MKLN1: variants seen among roughly 807,000 people sequenced by gnomAD.
The protein encoded by MKLN1 is muskelin.
MKLN1 carries 18 observed loss-of-function variants against 99.0 expected under a neutral mutation model. That is an observed-to-expected ratio of 0.18 (90% CI 0.13 to 0.27). MKLN1 has a LOEUF of 0.27. MKLN1 is among the 10% of genes least tolerant of loss of function. MKLN1 has a pLI of 1.00. For missense variants in MKLN1, 621 were observed against 875.9 expected (o/e 0.71, Z 3.67); for synonymous variants, 288 against 293.2 (o/e 0.98, Z 0.18).
chr7:131,339,642 C>T (rs532331154), intron 1 of MKLN1, among the ~76,000 whole-genome samples: 7 of 151,156 alleles, frequency 4.6e-5, no homozygotes, highest in Admixed American at 6.6e-5. Context: ...GAGGTTGCAG[C>T]GAGCTGAGAT....
rs181953856 is a variant in MKLN1, at chr7:131,442,709, C to T, written c.1174-772C>T. ...TTATTCTTTATGTAAATGCCACTTA[C>T]GTTCAACAGCTAATTCCCAACTTGG... On this transcript the variant is annotated intron_variant, in intron 10 of 17. Coordinates refer to ENST00000352689, the MANE Select transcript of MKLN1 (RefSeq NM_013255.5). Among the ~76,000 whole-genome samples, 117 of 152,306 alleles carry T rather than the reference C, an allele frequency of 7.7e-4. 1 individual carries two copies. The highest frequency in any genetic ancestry group is 4.8e-3 in the South Asian group (23 of 4,828).
chr7:131,275,555 ATATATATATATATTTTTTTTT>A (rs1403977029), intron 3 of MKLN1, among the ~76,000 whole-genome samples: 6 of 16,790 alleles, frequency 3.6e-4, no homozygotes, highest in African/African-American at 1.3e-3. Flanking sequence ...ATATATATAT[ATATATATATATATTTTTTTTT>A]TTTTTTTTTT....
At chr7:131,237,481 T>C (rs928088666) in intron 3 of MKLN1, among the ~76,000 whole-genome samples, 1 of 152,286 alleles carries the variant, frequency 6.6e-6, no homozygotes, top group African/African-American at 2.4e-5. Flanking sequence ...GGATGTACGT[T>C]AGAGCCAGAG....
chr7:131,377,967 A>C (rs1329811766), intron 2 of MKLN1, among the ~76,000 whole-genome samples: 2 of 152,256 alleles, frequency 1.3e-5, no homozygotes, highest in Non-Finnish European at 2.9e-5. Context: ...TTACTCAAAT[A>C]TAACTGGGGT....
intron 1 of MKLN1, 30 bp downstream of exon 1, chr7:131,328,027 C>G: frequency 1.9e-6 from 3 of 1,611,134 alleles, no homozygotes; most frequent in Non-Finnish European, 2.5e-6. Flanking sequence ...CTCGTGCTGC[C>G]CCACCCTTCC....
intron 10 of MKLN1, among the ~76,000 whole-genome samples, 169 bp from the exon 11 acceptor site, chr7:131,443,312 G>C (rs901345065): frequency 6.6e-6 from 1 of 152,140 alleles, no homozygotes; most frequent in African/African-American, 2.4e-5. Context: ...ATGACAACTT[G>C]AAAAATTATT....
intron 1 of MKLN1, among the ~76,000 whole-genome samples, chr7:131,370,426 G>A (rs778673923): frequency 1.6e-4 from 23 of 140,638 alleles, no homozygotes; most frequent in Non-Finnish European, 2.5e-4. Flanking sequence ...CTTTTAAAAA[G>A]TGTTTTAAAA....
chr7:131,428,445 A>G (rs1278075261), intron 8 of MKLN1, among the ~76,000 whole-genome samples: 1 of 152,168 alleles, frequency 6.6e-6, no homozygotes, highest in Non-Finnish European at 1.5e-5. Context: ...TTTTCTTAAG[A>G]TATCTAATTT....
At chr7:131,381,113 CATA>C (rs1484570224) in intron 2 of MKLN1, among the ~76,000 whole-genome samples, 2 of 152,170 alleles carry the variant, frequency 1.3e-5, no homozygotes, top group East Asian at 3.8e-4. Context: ...TAACTCATAT[CATA>C]ATGAGTTTAT....
chr7:131,184,492 G>C (rs1329197207), intron 2 of MKLN1, among the ~76,000 whole-genome samples: 1 of 151,840 alleles, frequency 6.6e-6, no homozygotes, highest in Non-Finnish European at 1.5e-5. Flanking sequence ...GGCCCCATGG[G>C]GACTTCCAAA....
intron 2 of MKLN1, among the ~76,000 whole-genome samples, chr7:131,198,345 C>T (rs1796679153): frequency 6.6e-6 from 1 of 152,186 alleles, no homozygotes; most frequent in South Asian, 2.1e-4. Flanking sequence ...GTCGTCAGGA[C>T]CTCCTGAGGC....
At chr7:131,420,045 T>C (rs994039656) in intron 8 of MKLN1, among the ~76,000 whole-genome samples, 3 of 152,190 alleles carry the variant, frequency 2.0e-5, no homozygotes, top group Non-Finnish European at 4.4e-5. Flanking sequence ...TGTTGAAAAT[T>C]GGTCACATTT....
intron 3 of MKLN1, among the ~76,000 whole-genome samples, chr7:131,261,066 T>C (rs1428998238): frequency 6.6e-6 from 1 of 152,212 alleles, no homozygotes; most frequent in Admixed American, 6.5e-5. Flanking sequence ...GGAAATACCA[T>C]TTTGGACATA....
At chr7:131,281,827 C>A (rs1798056732) in intron 3 of MKLN1, among the ~76,000 whole-genome samples, 1 of 151,962 alleles carries the variant, frequency 6.6e-6, no homozygotes, top group East Asian at 1.9e-4. Flanking sequence ...ACTACACATG[C>A]ACACTCAGCT....
intron 1 of MKLN1, among the ~76,000 whole-genome samples, chr7:131,131,398 A>G (rs1563225409): frequency 2.0e-5 from 3 of 152,178 alleles, no homozygotes; most frequent in South Asian, 2.1e-4. Flanking sequence ...GCAGATTAAT[A>G]GGACATTGCT....
chr7:131,431,061 T>C (rs1795507992), intron 9 of MKLN1, among the ~76,000 whole-genome samples: 1 of 152,000 alleles, frequency 6.6e-6, no homozygotes, highest in African/African-American at 2.4e-5. Context: ...CCATCTGCAC[T>C]AAAAATAGAA....
At chr7:131,194,235 C>T (rs1309115506) in intron 2 of MKLN1, among the ~76,000 whole-genome samples, 5 of 152,108 alleles carry the variant, frequency 3.3e-5, no homozygotes, top group African/African-American at 4.8e-5. Context: ...AGTTCCAAAA[C>T]ATTTGGATCA....
chr7:131,419,216 A>G (rs1264919189), intron 8 of MKLN1, among the ~76,000 whole-genome samples: 2 of 144,628 alleles, frequency 1.4e-5, no homozygotes, highest in East Asian at 4.0e-4. Context: ...AAGATTCATT[A>G]CATATATATA....
Position 131,489,160 on chromosome 7 carries a change from TC to T in MKLN1, c.*1433del, listed in dbSNP as rs1303726839. ...CCAAAGAAGAAATTAACCTGCACTT[TC>T]AAAAAGTACCATGTATAGGAATGAA... On this transcript the variant is annotated 3_prime_UTR_variant, in exon 18 of 18. Transcript: ENST00000352689. The T allele has an allele frequency of 1.3e-5, 2 of 152,160 alleles. No individual in the cohort carries two copies. The highest frequency in any genetic ancestry group is 4.8e-5 in the African/African-American group (2 of 41,454). 9.4% of individuals were successfully genotyped at this position (152,160 alleles called of 1,614,324 possible).
Sources: gnomAD v4.1 joint callset for allele counts (sites outside exome capture counted in the v4.1 genomes callset) on GRCh38, gnomAD v4.1.1 for gene constraint, MANE v1.5 for transcripts, NCBI Gene and HGNC (gene_info 2026-07-23, HGNC 2026-07-21) for gene names.